The following TRMT44 variants were observed in gnomAD, a reference collection of about 807,000 sequenced individuals.
The protein encoded by TRMT44 is tRNA methyltransferase 44 homolog.
In TRMT44, 78 loss-of-function variants were observed where a neutral mutation model predicts 77.3. The observed-to-expected ratio is 1.01, with a 90% CI of 0.84 to 1.22. TRMT44 has a LOEUF of 1.22. TRMT44 is among the 50% of genes most tolerant of loss of function. The pLI is 0.00. For missense variants in TRMT44, 1,090 were observed against 964.4 expected, an observed-to-expected ratio of 1.13 and a Z score of -1.73; for synonymous variants, 391 against 383.3, an observed-to-expected ratio of 1.02 and a Z score of -0.23.
intron 2 of TRMT44, among the ~76,000 whole-genome samples, chr4:8,483,407 C>T (rs1317685080): frequency 1.4e-5 from 2 of 147,862 alleles, no homozygotes; most frequent in Non-Finnish European, 1.5e-5. Flanking sequence ...GTAGGGTTGA[C>T]AAGTTTTTTT....
Position 8,471,200 on chromosome 4 carries a change from G to A in TRMT44, c.2044G>A (p.Val682Ile). 1.3e-6 allele frequency: 2 copies of A among 1,569,132 alleles called. No individual in the cohort carries two copies. The highest frequency in any genetic ancestry group is 1.7e-6 in the Non-Finnish European group (2 of 1,157,250). ...CCGGAACAGCCACCAGGTGTTCCAA[G>A]GTACGGAGTCCGCCTCTCCCCCGCC... ...LLRNSHQVFQ[V>I]VNGRVHIRDW... Residue 682 changes from valine (V) to isoleucine (I), a missense_variant and splice_region_variant, in exon 10 of 11, where the codon GTT becomes ATT. Transcript: ENST00000389737.
chr4:8,493,018 C>T (rs1292082338), intron 2 of TRMT44, among the ~76,000 whole-genome samples: 1 of 152,166 alleles, frequency 6.6e-6, no homozygotes, highest in Admixed American at 6.5e-5. Context: ...CTTCCTAAAT[C>T]GACTGAGACC....
chr4:8,444,251 T>G lies in TRMT44; in HGVS notation c.620-2225T>G. ...CAATGGAACTCGTGGACATAGAGAG[T>G]GGAAGGATGGTTACCAGAGGGTGGG... On this transcript the variant is annotated intron_variant, in intron 1 of 10. Transcript: ENST00000389737. The surrounding 1 kb of genome is among the most constrained non-coding windows in gnomAD (Gnocchi z 4.0). Among the ~76,000 whole-genome samples, 1 of 148,986 alleles carries G rather than the reference T, an allele frequency of 6.7e-6. No individual in the cohort carries two copies. The highest frequency in any genetic ancestry group is 2.5e-5 in the African/African-American group (1 of 40,220).
At chr4:8,491,714 G>A (rs562661113) in intron 2 of TRMT44, among the ~76,000 whole-genome samples, 37 of 152,322 alleles carry the variant, frequency 2.4e-4, no homozygotes, top group Non-Finnish European at 2.9e-4. Context: ...GTGCAGGCCC[G>A]CCAAACCCAC....
intron 6 of TRMT44, among the ~76,000 whole-genome samples, chr4:8,458,614 C>T (rs1725961671): frequency 6.6e-6 from 1 of 151,576 alleles, no homozygotes; most frequent in Non-Finnish European, 1.5e-5. Flanking sequence ...ACCATCATGC[C>T]CAGCTATTTT....
intron 2 of TRMT44, among the ~76,000 whole-genome samples, chr4:8,486,721 T>C (rs1727817634): frequency 6.6e-6 from 1 of 152,182 alleles, no homozygotes; most frequent in Non-Finnish European, 1.5e-5. Flanking sequence ...TAACCTTGAC[T>C]ATGCCTTTAG....
chr4:8,458,957 G>C (rs1725982500), intron 6 of TRMT44, among the ~76,000 whole-genome samples: 1 of 151,870 alleles, frequency 6.6e-6, no homozygotes, highest in Admixed American at 6.6e-5. Flanking sequence ...CTAGCTCTTT[G>C]GGAGGCCAAG....
intron 10 of TRMT44, among the ~76,000 whole-genome samples, chr4:8,474,609 T>G (rs907615925): frequency 5.9e-5 from 9 of 152,234 alleles, no homozygotes; most frequent in African/African-American, 2.2e-4. Context: ...AAGGCAGAAT[T>G]CGAGCTTTAA....
At chr4:8,513,493 A>G in the TRMT44 span, among the ~76,000 whole-genome samples, 1 of 152,204 alleles carries the variant, frequency 6.6e-6, no homozygotes, top group Non-Finnish European at 1.5e-5. Flanking sequence ...AACCATATCA[A>G]CCAGGAAACA....
chr4:8,494,032 A>G (rs1283787663), downstream of TRMT44, among the ~76,000 whole-genome samples: 1 of 149,924 alleles, frequency 6.7e-6, no homozygotes. Context: ...AAAAGTGTGC[A>G]ACTGAGAGAT....
intron 2 of TRMT44, among the ~76,000 whole-genome samples, chr4:8,489,902 A>C (rs1043984230): frequency 6.6e-6 from 1 of 152,264 alleles, no homozygotes; most frequent in African/African-American, 2.4e-5. Context: ...AATGATTGCC[A>C]GCCATTATAT....
In TRMT44 at chr4:8,449,836, A is replaced by T; in HGVS notation, c.902A>T (p.Lys301Met). The change falls in exon 3 of 11, where the codon AAG (lysine) becomes ATG (methionine). Residue 301 changes from lysine to methionine, a missense_variant. Physicochemically the swap from Lys to Met is moderately conservative, Grantham distance 95. Coordinates refer to ENST00000389737, the MANE Select transcript of TRMT44 (RefSeq NM_152544.3). ...KSTLSLISIM[K>M]YSKAYQELKE... ...ACCCTTTCCCTCATCTCCATTATGA[A>T]GTATAGCAAGGCTTACCAGGAACTT... 1 of 1,535,896 alleles carries T rather than the reference A, an allele frequency of 6.5e-7. No individual in the cohort carries two copies. The highest frequency in any genetic ancestry group is 1.2e-5 in the South Asian group (1 of 84,044).
intron 6 of TRMT44, among the ~76,000 whole-genome samples, chr4:8,458,216 A>T (rs996877064): frequency 8.5e-5 from 13 of 152,228 alleles, no homozygotes; most frequent in African/African-American, 2.7e-4. Flanking sequence ...AGAGAAACTA[A>T]AAAGTAAAGC....
At chr4:8,475,167 C>A (rs966657607) in intron 10 of TRMT44, among the ~76,000 whole-genome samples, 41 of 152,246 alleles carry the variant, frequency 2.7e-4, no homozygotes, top group African/African-American at 9.6e-4. Context: ...CTGCCCTGCA[C>A]CAGCCCCGTC....
rs1325773468 is a variant in TRMT44 at position 8,441,342 on chromosome 4, G to C, written c.520G>C (p.Glu174Gln). 6.5e-7 allele frequency: 1 copy of C among 1,535,374 alleles called. No individual in the cohort carries two copies. The highest frequency in any genetic ancestry group is 8.7e-7 in the Non-Finnish European group (1 of 1,146,498). ...CAGCTCCGGGGCGGGATCGCAGCCAGAGGCGCAGCGTGAGCTCGACGTGGT... is the reference window on the plus strand; with the variant it reads ...CAGCTCCGGGGCGGGATCGCAGCCACAGGCGCAGCGTGAGCTCGACGTGGT... Reference protein sequence around the residue: ...LTSSGAGSQPEAQRELDVVLR... With the variant: ...LTSSGAGSQPQAQRELDVVLR... The change falls in exon 1 of 11, where the codon GAG (glutamate) becomes CAG (glutamine). Residue 174 changes from glutamate (E) to glutamine (Q), a missense_variant. Glu to Gln is a conservative substitution (Grantham distance 29, BLOSUM62 2). Coordinates refer to ENST00000389737, the MANE Select transcript of TRMT44 (RefSeq NM_152544.3).
intron 5 of TRMT44, 85 bp from the exon 6 acceptor site, chr4:8,454,657 G>C: frequency 1.5e-6 from 2 of 1,313,656 alleles, no homozygotes; most frequent in Non-Finnish European, 1.1e-6. Flanking sequence ...CCTGCTGGCA[G>C]TGCCTGCAGA....
chr4:8,442,125 G>A (rs895843708), intron 1 of TRMT44, among the ~76,000 whole-genome samples: 14 of 152,224 alleles, frequency 9.2e-5, no homozygotes, highest in African/African-American at 3.1e-4. Flanking sequence ...TGAACACAGT[G>A]TTTATAGGTA....
rs1054235884 is a variant in TRMT44, at chr4:8,468,613, G to A, written c.1927+267G>A. 1.2e-5 allele frequency: 7 copies of A among 579,210 alleles called. No individual in the cohort carries two copies. In the African/African-American group the frequency reaches 1.3e-4, roughly 11 times the overall value. 35.9% of individuals were successfully genotyped at this position (579,210 alleles called of 1,614,324 possible). ...TTTTACCAAACATGCAGGTTTAGGG[G>A]CTAGAACTACTCATTTTCAATCTAG... is the stretch of plus-strand genomic sequence containing the variant. On this transcript the variant is annotated intron_variant, in intron 9 of 10. Transcript: ENST00000389737.
the TRMT44 span, among the ~76,000 whole-genome samples, chr4:8,508,017 C>T: frequency 6.6e-6 from 1 of 152,234 alleles, no homozygotes; most frequent in Non-Finnish European, 1.5e-5. Flanking sequence ...AGTGATTCTC[C>T]TGCCTCAGCC....
Sources: allele counts gnomAD v4.1 joint callset (sites outside exome capture counted in the v4.1 genomes callset), GRCh38; gene constraint gnomAD v4.1.1; non-coding constraint Gnocchi (gnomAD v3.1); transcripts MANE v1.5; gene names NCBI Gene and HGNC (gene_info 2026-07-23, HGNC 2026-07-21).